The following FARP1 variants were observed in gnomAD, a reference collection of about 807,000 sequenced individuals.
The protein encoded by FARP1 is FERM, ARH/RhoGEF and pleckstrin domain protein 1.
FARP1 carries 52 observed loss-of-function variants against 128.8 expected under a neutral mutation model. The ratio of observed to expected loss-of-function variants is 0.40; its 90% CI spans 0.32 to 0.51. The LOEUF (loss-of-function observed/expected upper bound fraction) is 0.51, where lower values mean the gene tolerates loss of function less well. Ranked by LOEUF, FARP1 falls within the 20% of genes least tolerant of loss-of-function variation. The pLI is 0.45. For missense variants in FARP1, 1,333 were observed against 1,367.9 expected (o/e 0.97, Z 0.40); for synonymous variants, 580 against 551.8 (o/e 1.05, Z -0.72).
intron 19 of FARP1, among the ~76,000 whole-genome samples, chr13:98,436,460 C>T (rs1458459723): frequency 1.3e-5 from 2 of 152,220 alleles, no homozygotes; most frequent in Admixed American, 1.3e-4. Flanking sequence ...GCCCCCATTT[C>T]AAATGCTACG....
intron 17 of FARP1, among the ~76,000 whole-genome samples, chr13:98,425,749 A>G (rs1891763069): frequency 1.3e-5 from 2 of 152,218 alleles, no homozygotes; most frequent in South Asian, 4.1e-4. Context: ...AAGTGAAAGT[A>G]TATCCAAAGA....
intron 24 of FARP1, among the ~76,000 whole-genome samples, chr13:98,444,606 C>A (rs1594548647): frequency 6.6e-6 from 1 of 152,172 alleles, no homozygotes; most frequent in Non-Finnish European, 1.5e-5. Context: ...GAGGCTCGGC[C>A]CGGCCGTGGG....
At chr13:98,369,930 A>AT (rs1445126997) in intron 5 of FARP1, among the ~76,000 whole-genome samples, 1 of 152,200 alleles carries the variant, frequency 6.6e-6, no homozygotes, top group African/African-American at 2.4e-5. Flanking sequence ...GAAGATACTG[A>AT]TGTAATCAGC....
intron 2 of FARP1, among the ~76,000 whole-genome samples, chr13:98,310,600 A>C (rs535294627): frequency 7.9e-4 from 120 of 152,274 alleles, no homozygotes; most frequent in African/African-American, 2.8e-3. Context: ...GATATCAGTT[A>C]CAAGTGTGAA....
intron 2 of FARP1, among the ~76,000 whole-genome samples, chr13:98,262,638 C>T (rs182932823): frequency 3.6e-4 from 55 of 152,116 alleles, no homozygotes; most frequent in African/African-American, 1.2e-3. Flanking sequence ...ATTGGAATAC[C>T]GAATGGTCAT....
rs1889265652 is a variant in FARP1 at position 98,370,169 on chromosome 13, A to G, written c.398+1974A>G. Among the ~76,000 whole-genome samples, 3 of 152,232 alleles carry G rather than the reference A, an allele frequency of 2.0e-5. No individual in the cohort carries two copies. The South Asian group carries it at 6.2e-4, about 32-fold the overall frequency. On this transcript the variant is annotated intron_variant, in intron 5 of 26. Coordinates refer to ENST00000319562, the MANE Select transcript of FARP1 (RefSeq NM_005766.4). ...TGGGATGCCTCTTGAGGAAGTGAGA[A>G]GGAACCATCAGTCATTTACTGAGAG...
In FARP1 at chr13:98,395,277, G is replaced by A. The variant is rs1280886676; in HGVS notation, c.1215G>A (p.Gly405=). ...TTGGAGAAGGTGCCGAATCTCCAGG[G>A]GGCCAGAGCTGCCGGCGAGGAAAGG... ...LTFGEGAESP[G]GQSCRRGKEP... Residue 405 remains glycine (G), a synonymous_variant, in exon 13 of 27, where the codon GGG becomes GGA. Transcript: ENST00000319562. 1.2e-6 allele frequency: 2 copies of A among 1,608,126 alleles called. No homozygotes were observed. Among genetic ancestry groups the A allele is most frequent in the Non-Finnish European group, 1.7e-6 (2 of 1,175,340 alleles).
intron 1 of FARP1, among the ~76,000 whole-genome samples, chr13:98,206,674 T>C (rs762855300): frequency 7.9e-5 from 12 of 152,230 alleles, no homozygotes; most frequent in Non-Finnish European, 1.5e-4. Flanking sequence ...AGGAAGTCCT[T>C]ATAAGTCAGG....
At chr13:98,405,341 A>G (rs975295567) in intron 13 of FARP1, 1 of 152,230 alleles carries the variant, frequency 6.6e-6, no homozygotes, top group Non-Finnish European at 1.5e-5. Flanking sequence ...ATCCATAAAT[A>G]TAGCAGTGCT....
intron 24 of FARP1, among the ~76,000 whole-genome samples, chr13:98,443,248 A>G (rs557848151): frequency 6.6e-6 from 1 of 152,302 alleles, no homozygotes; most frequent in East Asian, 1.9e-4. Flanking sequence ...TGCTGACCCT[A>G]GTAGAGAGCA....
intron 3 of FARP1, among the ~76,000 whole-genome samples, chr13:98,354,455 C>T (rs997947372): frequency 5.1e-4 from 77 of 152,300 alleles, no homozygotes; most frequent in African/African-American, 1.8e-3. Flanking sequence ...TTTGACAGAT[C>T]ACCAATAAGG....
chr13:98,143,861 G>A (rs974413558), intron 1 of FARP1, among the ~76,000 whole-genome samples: 2 of 151,736 alleles, frequency 1.3e-5, no homozygotes, highest in Non-Finnish European at 2.9e-5. Context: ...AGCGCTGGAC[G>A]CCGCTTCCGG....
chr13:98,386,275 C>T (rs1229630438), intron 8 of FARP1, among the ~76,000 whole-genome samples: 3 of 147,828 alleles, frequency 2.0e-5, no homozygotes, highest in African/African-American at 7.5e-5. Context: ...GAGTGTTAGG[C>T]ACACTTTTAA....
chr13:98,284,581 C>T (rs1885079852), intron 2 of FARP1, among the ~76,000 whole-genome samples: 1 of 152,054 alleles, frequency 6.6e-6, no homozygotes, highest in Non-Finnish European at 1.5e-5. Flanking sequence ...ATGAATGAAC[C>T]CATTGCTCTT....
chr13:98,181,866 T>TTTAATAC (rs2139204481), intron 1 of FARP1, among the ~76,000 whole-genome samples: 1 of 152,238 alleles, frequency 6.6e-6, no homozygotes, highest in South Asian at 2.1e-4. Context: ...ACACATGGTA[T>TTTAATAC]TTAATACTTA....
rs750319515 is a variant in FARP1, at chr13:98,439,967, G to A, written c.2440G>A (p.Glu814Lys). 6.4e-7 allele frequency: 1 copy of A among 1,573,454 alleles called. No homozygotes were observed. Among genetic ancestry groups the A allele is most frequent in the African/African-American group, 1.4e-5 (1 of 73,938 alleles). The change falls in exon 22 of 27, where the codon GAG becomes AAG. Residue 814 changes from glutamate (E) to lysine (K), a missense_variant. Around this residue, in one of 2 missense-constraint regions of FARP1, gnomAD observed 1,009 missense variants for 969.8 expected, o/e 1.04. Transcript: ENST00000319562. ...QLPLYGMTIE[E>K]SEDEWGVPHC... ...TATCTTCTCTTGCCCACAGATTGAG[G>A]AGAGCGAAGACGAGTGGGGGGTGCC...
chr13:98,451,006 G>C lies in FARP1; in HGVS notation c.*2689G>C, dbSNP rs193005274. The C allele has an allele frequency of 6.6e-6, 1 of 152,152 alleles. No individual in the cohort carries two copies. The highest frequency in any genetic ancestry group is 1.5e-5 in the Non-Finnish European group (1 of 68,044). 9.4% of individuals were successfully genotyped at this position (152,152 alleles called of 1,614,324 possible). A position where few individuals can be genotyped will look rare whatever the true frequency, so the allele number is the denominator to read the frequency against. On this transcript the variant is annotated 3_prime_UTR_variant, in exon 27 of 27. Coordinates refer to ENST00000319562, the MANE Select transcript of FARP1 (RefSeq NM_005766.4). The stretch of plus-strand genomic sequence containing the variant: ...CCACTTGTTGCTCTACGGGGGAAGG[G>C]GCTGAGTATGATTTGTCTGGCGACT...
intron 17 of FARP1, among the ~76,000 whole-genome samples, chr13:98,427,950 G>A (rs1385843033): frequency 1.3e-5 from 2 of 152,162 alleles, no homozygotes; most frequent in Non-Finnish European, 2.9e-5. Context: ...TTTCTATAAA[G>A]CATGGAGGGG....
chr13:98,308,238 A>G (rs886193971), intron 2 of FARP1, among the ~76,000 whole-genome samples: 4 of 152,034 alleles, frequency 2.6e-5, no homozygotes, highest in African/African-American at 7.2e-5. Context: ...TGAGGATGAT[A>G]ACTGTCCTAT....
Sources: allele counts gnomAD v4.1 joint callset (sites outside exome capture counted in the v4.1 genomes callset), GRCh38; gene constraint gnomAD v4.1.1; regional missense constraint gnomAD v4.1.1; transcripts MANE v1.5; gene names NCBI Gene and HGNC (gene_info 2026-07-23, HGNC 2026-07-21).